NCOR1: variants seen among roughly 807,000 people sequenced by gnomAD.
NCOR1 encodes the protein nuclear receptor corepressor 1, also known as protein phosphatase 1, regulatory subunit 109.
In NCOR1, 63 loss-of-function variants were observed where a neutral mutation model predicts 288.1. The observed-to-expected ratio is 0.22, with a 90% confidence interval of 0.18 to 0.27. The LOEUF (loss-of-function observed/expected upper bound fraction) is 0.27, where lower values mean the gene tolerates loss of function less well. Ranked by LOEUF, NCOR1 falls within the 10% of genes least tolerant of loss-of-function variation. The pLI is 1.00. For synonymous variants in NCOR1, 1,007 were observed against 1,065.9 expected (o/e 0.94, Z 1.08); for missense variants, 2,397 against 3,019.2 (o/e 0.79, Z 4.83).
intron 3 of NCOR1, among the ~76,000 whole-genome samples, chr17:16,179,386 T>C (rs540037955): frequency 6.6e-6 from 1 of 152,242 alleles, no homozygotes; most frequent in East Asian, 1.9e-4. Flanking sequence ...GATAAATTCC[T>C]AGAAAAACAC....
chr17:16,120,985 T>C (rs1163430523), intron 16 of NCOR1, 67 bp downstream of exon 16: 50 of 1,394,326 alleles, frequency 3.6e-5, no homozygotes, highest in Non-Finnish European at 5.0e-5. Flanking sequence ...CTTTCTACCC[T>C]ATCCTAGCAG....
chr17:16,142,141 C>G (rs984269448), intron 11 of NCOR1, among the ~76,000 whole-genome samples: 1 of 152,058 alleles, frequency 6.6e-6, no homozygotes, highest in Admixed American at 6.6e-5. Context: ...AAAGTACTGG[C>G]TAGGTTAACT....
chr17:16,085,705 T>C (rs532552252), intron 23 of NCOR1, among the ~76,000 whole-genome samples: 1 of 152,044 alleles, frequency 6.6e-6, no homozygotes, highest in Non-Finnish European at 1.5e-5. Context: ...CTTCAGGCAG[T>C]GGAAGGGGAG....
intron 19 of NCOR1, among the ~76,000 whole-genome samples, chr17:16,106,788 C>T (rs1406504015): frequency 7.1e-6 from 1 of 141,732 alleles, no homozygotes; most frequent in African/African-American, 2.6e-5. Context: ...AAATCATTTC[C>T]TCTTAATAGG....
chr17:16,072,639 C>T (rs989068350), intron 28 of NCOR1, among the ~76,000 whole-genome samples: 7 of 151,960 alleles, frequency 4.6e-5, no homozygotes, highest in African/African-American at 1.5e-4. Flanking sequence ...CAAATTGAAA[C>T]GAAAGAGTTG....
intron 42 of NCOR1, among the ~76,000 whole-genome samples, chr17:16,044,113 G>A (rs1388744567): frequency 2.1e-5 from 3 of 143,586 alleles, no homozygotes; most frequent in East Asian, 2.0e-4. Flanking sequence ...AGGTTGCGGT[G>A]AGCCGAGATC....
In NCOR1 at chr17:16,058,562, A is replaced by T. The variant is rs755463903; in HGVS notation, c.5919T>A (p.Ile1973=). ...GTGAGCTGGCAGGACTTATCACCTCAATAGCATCGCTAGGTGTTTCATACC... is the reference window on the plus strand; with the variant it reads ...GTGAGCTGGCAGGACTTATCACCTCTATAGCATCGCTAGGTGTTTCATACC... ...SHRYETPSDA[I]EVISPASSPA... is the part of the protein sequence containing the mutation. Residue 1973 remains isoleucine, a synonymous_variant, in exon 38 of 46, where the codon ATT becomes ATA. Transcript: ENST00000268712. 12 of 1,613,232 alleles carry T rather than the reference A, an allele frequency of 7.4e-6. No homozygotes were observed. The highest frequency in any genetic ancestry group is 1.0e-5 in the Non-Finnish European group (12 of 1,179,474).
At chr17:16,043,275 G>T (rs1018290232) in intron 42 of NCOR1, among the ~76,000 whole-genome samples, 1 of 152,240 alleles carries the variant, frequency 6.6e-6, no homozygotes, top group African/African-American at 2.4e-5. Context: ...AAGTGAAGCT[G>T]TGTTGGCTGC....
At chr17:16,140,489 C>G (rs1011225585) in intron 11 of NCOR1, among the ~76,000 whole-genome samples, 1 of 152,052 alleles carries the variant, frequency 6.6e-6, no homozygotes, top group Non-Finnish European at 1.5e-5. Flanking sequence ...TATAGTGAGA[C>G]CCCATCTCTA....
rs757717778 is a variant in NCOR1 at position 16,070,339 on chromosome 17, G to A, written c.4339C>T (p.Arg1447Trp). 6.2e-6 allele frequency: 10 copies of A among 1,613,982 alleles called. No individual in the cohort carries two copies. Among genetic ancestry groups the A allele is most frequent in the Admixed American group, 1.7e-5 (1 of 59,982 alleles). Residue 1447 changes from arginine to tryptophan, a missense_variant, in exon 31 of 46, where the codon CGG (arginine) becomes TGG (tryptophan). Coordinates refer to ENST00000268712, the MANE Select transcript of NCOR1 (RefSeq NM_006311.4). ...CCAGAGCTTACCACTGACGTGTGCC[G>A]GGAACGCACGGTCTCGCCTGCTTTC... ...DVKAGETVRS[R>W]HTSVVSSGPS... is the part of the protein sequence containing the mutation.
chr17:16,162,955 G>T (rs2081164363), intron 5 of NCOR1, among the ~76,000 whole-genome samples: 4 of 151,956 alleles, frequency 2.6e-5, no homozygotes, highest in Admixed American at 2.0e-4. Context: ...AAATAATATA[G>T]TAAAACTACC....
At chr17:16,133,166 A>G (rs2075905820) in intron 14 of NCOR1, among the ~76,000 whole-genome samples, 1 of 152,130 alleles carries the variant, frequency 6.6e-6, no homozygotes, top group East Asian at 1.9e-4. Flanking sequence ...ACAGGGTTTC[A>G]GCATGTTGCC....
At chr17:16,095,235 G>A (rs1364628145) in intron 21 of NCOR1, among the ~76,000 whole-genome samples, 2 of 149,460 alleles carry the variant, frequency 1.3e-5, no homozygotes, top group African/African-American at 2.5e-5. Context: ...TGGGATGTGA[G>A]GAGCACCTCG....
At chr17:16,184,363 T>C (rs1409000931) in intron 3 of NCOR1, among the ~76,000 whole-genome samples, 5 of 152,146 alleles carry the variant, frequency 3.3e-5, no homozygotes, top group Non-Finnish European at 5.9e-5. Context: ...TAAAACTCAA[T>C]AGCAGAAAAA....
intron 2 of NCOR1, among the ~76,000 whole-genome samples, chr17:16,187,308 A>G (rs1429447059): frequency 6.6e-6 from 1 of 151,820 alleles, no homozygotes; most frequent in Non-Finnish European, 1.5e-5. Context: ...CTCCAGTCCT[A>G]GGTATATACC....
At chr17:16,114,160 A>AAAAAAAAAAAC (rs2071033766) in intron 18 of NCOR1, among the ~76,000 whole-genome samples, 4 of 106,894 alleles carry the variant, frequency 3.7e-5, no homozygotes, top group Non-Finnish European at 6.1e-5. Context: ...AAAAAAAAAA[A>AAAAAAAAAAAC]AAAAAAAAAC....
intron 42 of NCOR1, among the ~76,000 whole-genome samples, chr17:16,043,103 A>T (rs2058040671): frequency 6.6e-6 from 1 of 152,244 alleles, no homozygotes; most frequent in Admixed American, 6.5e-5. Context: ...AGAACATGGC[A>T]TCAGAAAGCC....
intron 7 of NCOR1, 101 bp from the exon 8 acceptor site, chr17:16,152,099 G>GGCGACCACCGA: frequency 3.7e-6 from 2 of 542,862 alleles, no homozygotes; most frequent in South Asian, 4.3e-5. Context: ...AAGTACTAAT[G>GGCGACCACCGA]GATCTACACA....
At chr17:16,077,846 C>G (rs762329314) in intron 26 of NCOR1, among the ~76,000 whole-genome samples, 13 of 151,966 alleles carry the variant, frequency 8.6e-5, no homozygotes, top group Non-Finnish European at 1.6e-4. Context: ...TTGCACCAAC[C>G]TAATATAAAT....
Sources: allele counts gnomAD v4.1 joint callset (sites outside exome capture counted in the v4.1 genomes callset), GRCh38; gene constraint gnomAD v4.1.1; transcripts MANE v1.5; gene names NCBI Gene and HGNC (gene_info 2026-07-23, HGNC 2026-07-21).